Variants in WDR83 observed in about 807,000 individuals in gnomAD.
The protein encoded by WDR83 is WD repeat domain 83.
A neutral mutation model predicts 37.7 loss-of-function variants in WDR83; 37 were observed. The observed-to-expected ratio is 0.98, with a 90% CI of 0.76 to 1.29. The LOEUF is 1.29. WDR83 is among the 50% of genes most tolerant of loss of function. The probability of loss-of-function intolerance (pLI) is 0.00; values close to 1 mark genes in which losing one functional copy is unlikely to be tolerated. For synonymous variants in WDR83, 174 were observed against 181.1 expected, an observed-to-expected ratio of 0.96 and a Z score of 0.31; for missense variants, 445 against 414.4, an observed-to-expected ratio of 1.07 and a Z score of -0.64.
intron 10 of WDR83, 98 bp from the exon 11 acceptor site, chr19:12,675,425 G>A: frequency 2.7e-6 from 4 of 1,500,872 alleles, no homozygotes; most frequent in Non-Finnish European, 3.6e-6. Flanking sequence ...AGGTGACTGA[G>A]GGCTTCAGGC....
chr19:12,671,001 C>A, intron 7 of WDR83, 180 bp downstream of exon 7: 2 of 875,184 alleles, frequency 2.3e-6, no homozygotes, highest in Non-Finnish European at 3.4e-6. Flanking sequence ...CCATTGCACT[C>A]CATGCTGGGT....
At chr19:12,671,759 G>A (rs995008641) in intron 7 of WDR83, among the ~76,000 whole-genome samples, 2 of 152,256 alleles carry the variant, frequency 1.3e-5, no homozygotes, top group African/African-American at 2.4e-5. Flanking sequence ...GTGCAGTGAC[G>A]TGATCTCGGC....
Position 12,672,890 on chromosome 19 carries a change from C to A in WDR83, c.550C>A (p.Gln184Lys). 6.3e-7 allele frequency: 1 copy of A among 1,596,906 alleles called. No homozygotes were observed. Among genetic ancestry groups the A allele is most frequent in the South Asian group, 1.1e-5 (1 of 88,342 alleles). The change falls in exon 8 of 11, where the codon CAG (glutamine) becomes AAG (lysine). Residue 184 changes from glutamine to lysine, a missense_variant. Transcript: ENST00000418543. ...RVRRYDLRMG[Q>K]LFSDYVGSPI... ...GAGACGCTATGACCTAAGGATGGGG[C>A]AGCTCTTCTCAGACTACGTGGGCAG... is the stretch of plus-strand genomic sequence containing the variant.
chr19:12,675,158 G>A (rs1478308179), intron 10 of WDR83, among the ~76,000 whole-genome samples: 3 of 152,066 alleles, frequency 2.0e-5, no homozygotes, highest in African/African-American at 7.2e-5. Flanking sequence ...CAGGCATGGT[G>A]GCTCACACCT....
rs780777480 is a variant in WDR83 at position 12,669,864 on chromosome 19, A to G, written c.74A>G (p.Gln25Arg). ...CGGTTGAAGACGCTGGACTGCGGGC[A>G]GGGGGCAGTGCGAGCCGTACGATTT... is the stretch of plus-strand genomic sequence containing the variant. The part of the protein sequence containing the change: ...QKRLKTLDCG[Q>R]GAVRAVRFNV... Residue 25 changes from glutamine to arginine, a missense_variant, in exon 3 of 11, where the codon CAG (glutamine) becomes CGG (arginine). Gln to Arg is a conservative substitution (Grantham distance 43, BLOSUM62 1). Coordinates refer to ENST00000418543, the MANE Select transcript of WDR83 (RefSeq NM_001099737.3). 1 of 1,611,698 alleles carries G rather than the reference A, an allele frequency of 6.2e-7. No homozygotes were observed.
At position 12,669,870 on chromosome 19, in the gene WDR83, C is replaced by A; in HGVS notation, c.80C>A (p.Ala27Glu). ...RLKTLDCGQG[A>E]VRAVRFNVDG... ...AAGACGCTGGACTGCGGGCAGGGGG[C>A]AGTGCGAGCCGTACGATTTAATGGT... The change falls in exon 3 of 11, where the codon GCA becomes GAA. Residue 27 changes from alanine (A) to glutamate (E), a missense_variant. Physicochemically the swap from Ala to Glu is moderately radical, Grantham distance 107 (BLOSUM62 -1). Coordinates refer to ENST00000418543, the MANE Select transcript of WDR83 (RefSeq NM_001099737.3). 6.2e-7 allele frequency: 1 copy of A among 1,610,786 alleles called. No homozygotes were observed. The highest frequency in any genetic ancestry group is 8.5e-7 in the Non-Finnish European group (1 of 1,178,126).
chr19:12,672,758 A>C, intron 7 of WDR83, 89 bp from the exon 8 acceptor site: 1 of 1,340,986 alleles, frequency 7.5e-7, no homozygotes, highest in South Asian at 1.3e-5. Context: ...GCACTGGAAG[A>C]GCAGGCCCAC....
intron 10 of WDR83, 30 bp from the exon 11 acceptor site, chr19:12,675,493 G>A: frequency 6.3e-7 from 1 of 1,597,178 alleles, no homozygotes; most frequent in Non-Finnish European, 8.5e-7. Flanking sequence ...CCCAGCCACA[G>A]ATAACCACTC....
Position 12,670,763 on chromosome 19 carries a change from G to C in WDR83, c.448G>C (p.Asp150His), listed in dbSNP as rs2024391824. The C allele has an allele frequency of 1.2e-6, 2 of 1,614,206 alleles. No homozygotes were observed. The highest frequency in any genetic ancestry group is 8.5e-7 in the Non-Finnish European group (1 of 1,180,048). ...SRRPEPVQTL[D>H]EARDGVSSVK... is the part of the protein sequence containing the mutation. ...GAGGCCTGAGCCAGTGCAGACGCTG[G>C]ATGAGGCCAGAGATGGCGTGTCCAG... The change falls in exon 7 of 11, where the codon GAT becomes CAT. Residue 150 changes from aspartate to histidine, a missense_variant. Coordinates refer to ENST00000418543, the MANE Select transcript of WDR83 (RefSeq NM_001099737.3).
chr19:12,671,096 G>C (rs1165876790), intron 7 of WDR83: 7 of 356,626 alleles, frequency 2.0e-5, no homozygotes, highest in Non-Finnish European at 2.1e-5. Context: ...GGGAGGCCAA[G>C]GTGGGCAGAT....
Position 12,670,262 on chromosome 19 carries a change from C to G in WDR83, c.307C>G (p.Arg103Gly). ...LWDVASGQVVRKFRGHAGKVN... is the reference protein window; with the variant it reads ...LWDVASGQVVGKFRGHAGKVN... ...GGATGTGGCATCAGGGCAGGTCGTG[C>G]GCAAATTCCGGGGCCACGCAGGGGT... The change falls in exon 5 of 11, where the codon CGC (arginine) becomes GGC (glycine). Residue 103 changes from arginine to glycine, a missense_variant. Transcript: ENST00000418543. 1.9e-6 allele frequency: 3 copies of G among 1,614,054 alleles called. No individual in the cohort carries two copies. The highest frequency in any genetic ancestry group is 2.5e-6 in the Non-Finnish European group (3 of 1,179,996).
In WDR83 at chr19:12,670,698, C is replaced by CT. The variant is rs769922774; in HGVS notation, c.384dup (p.Ile129TyrfsTer2). 1.9e-6 allele frequency: 3 copies of CT among 1,614,214 alleles called. No homozygotes were observed. Among genetic ancestry groups the CT allele is most frequent in the Non-Finnish European group, 2.5e-6 (3 of 1,180,026 alleles). Reference sequence around the variant, plus strand: ...CACCATCATGCTGGCCTCACAGGCTCTATTGATTCCAGTATCCGCTGTTGG... The same window carrying CT: ...CACCATCATGCTGGCCTCACAGGCTCTTATTGATTCCAGTATCCGCTGTTGG... On this transcript the variant is annotated frameshift_variant, in exon 7 of 11. Transcript: ENST00000418543. LOFTEE classifies it high-confidence loss of function.
At chr19:12,669,475 G>A in intron 2 of WDR83, 4 of 1,535,772 alleles carry the variant, frequency 2.6e-6, no homozygotes, top group African/African-American at 1.4e-5. Context: ...GCTGAGGGCG[G>A]ATTTTAGAGT....
At chr19:12,669,946 G>C (rs759428335) in intron 3 of WDR83, 31 bp from the exon 4 acceptor site, 52 of 1,602,144 alleles carry the variant, frequency 3.2e-5, no homozygotes, top group Admixed American at 1.5e-4. Context: ...TGAGATCGAC[G>C]GCCCAGTAAC....
chr19:12,668,186 T>G (rs1022819390), intron 1 of WDR83: 1 of 606,644 alleles, frequency 1.6e-6, no homozygotes, highest in Non-Finnish European at 2.9e-6. Context: ...GCAGGAGGGG[T>G]AAGCCTAGGG....
intron 10 of WDR83, 113 bp from the exon 11 acceptor site, chr19:12,675,410 G>C: frequency 6.9e-7 from 1 of 1,452,998 alleles, no homozygotes; most frequent in Non-Finnish European, 9.2e-7. Context: ...CTGAAGGTCG[G>C]GGAGAGGTGA....
chr19:12,672,050 C>A (rs756800448), intron 7 of WDR83, among the ~76,000 whole-genome samples: 5 of 152,140 alleles, frequency 3.3e-5, no homozygotes, highest in African/African-American at 1.2e-4. Flanking sequence ...TCATAAAGAT[C>A]TTCGTGTTGA....
chr19:12,670,110 C>A lies in WDR83; in HGVS notation c.224+13C>A. 1 of 1,608,840 alleles carries A rather than the reference C, an allele frequency of 6.2e-7. No individual in the cohort carries two copies. The highest frequency in any genetic ancestry group is 8.5e-7 in the Non-Finnish European group (1 of 1,176,542). ...TGGATGCGGCCGGGTGAGCCGGGGA[C>A]CAGGCTGGGATGGGAGCGCTGAGGC... On this transcript the variant is annotated intron_variant, in intron 4 of 10. Coordinates refer to ENST00000418543, the MANE Select transcript of WDR83 (RefSeq NM_001099737.3).
intron 8 of WDR83, 31 bp from the exon 9 acceptor site, chr19:12,672,977 C>T (rs1267100776): frequency 1.2e-6 from 2 of 1,601,632 alleles, no homozygotes; most frequent in Admixed American, 3.4e-5. Flanking sequence ...GGGCACCCCA[C>T]CCTCACTCAC....
Sources: gnomAD v4.1 joint callset for allele counts (sites outside exome capture counted in the v4.1 genomes callset) on GRCh38, gnomAD v4.1.1 for gene constraint, MANE v1.5 for transcripts, NCBI Gene and HGNC (gene_info 2026-07-23, HGNC 2026-07-21) for gene names.